The following ZNF487 variants were observed in gnomAD, a reference collection of about 807,000 sequenced individuals.
ZNF487 encodes zinc finger protein 487, also known as KRAB domain only 1.
A neutral mutation model predicts 3.0 loss-of-function variants in ZNF487; 4 were observed. The ratio of observed to expected loss-of-function variants is 1.35; its 90% CI spans 0.66 to 3.08. The LOEUF (loss-of-function observed/expected upper bound fraction) is 3.08, where lower values mean the gene tolerates loss of function less well. ZNF487 is among the 30% of genes most tolerant of loss of function. The probability of loss-of-function intolerance (pLI) is 0.01; values close to 1 mark genes in which losing one functional copy is unlikely to be tolerated. For missense variants in ZNF487, 146 were observed against 98.7 expected (o/e 1.48, Z -2.03); for synonymous variants, 55 against 34.6 (o/e 1.59, Z -2.06).
At position 43,460,332 on chromosome 10, in the gene ZNF487, A is replaced by ATATTTT. The variant is rs750608474; in HGVS notation, c.-93-15387_-93-15382dup. ...AATATATTCCATGACAAATTGTTAG[A>ATATTTT]TATTTTTGTGTCTTTGTTCCTGAAA... On this transcript the variant is annotated intron_variant, in intron 1 of 3. Transcript: ENST00000437590. Among the ~76,000 whole-genome samples, 108 of 147,302 alleles carry ATATTTT rather than the reference A, an allele frequency of 7.3e-4. 1 individual carries two copies. The highest frequency in any genetic ancestry group is 1.2e-3 in the Non-Finnish European group (81 of 66,526).
chr10:43,516,639 C>T, the ZNF487 span, among the ~76,000 whole-genome samples: 21 of 152,228 alleles, frequency 1.4e-4, no homozygotes, highest in South Asian at 1.5e-3. Context: ...GCATCCAGCA[C>T]GGGAGAAAGA....
chr10:43,495,585 T>G, the ZNF487 span, among the ~76,000 whole-genome samples: 1 of 152,140 alleles, frequency 6.6e-6, no homozygotes, highest in African/African-American at 2.4e-5. Context: ...ATGCGTTAAT[T>G]TCTTAAGGTA....
intron 1 of ZNF487, chr10:43,454,459 T>G (rs139143444): frequency 6.6e-6 from 1 of 152,342 alleles, no homozygotes; most frequent in African/African-American, 2.4e-5. Context: ...CTACATCACT[T>G]GTCAGTCTCC....
intron 1 of ZNF487, among the ~76,000 whole-genome samples, chr10:43,448,314 G>A (rs2261637): frequency 0.89 from 135,718 of 151,948 alleles, 60,670 homozygotes; most frequent in East Asian, 1. Context: ...TTGTCCTTAC[G>A]TTTTGTCAAA....
At chr10:43,522,902 T>TC in the ZNF487 span, among the ~76,000 whole-genome samples, 1 of 152,206 alleles carries the variant, frequency 6.6e-6, no homozygotes, top group African/African-American at 2.4e-5. Flanking sequence ...TGATTTTTTT[T>TC]CTGGCAATTT....
rs185758456 is a variant in ZNF487, at chr10:43,464,626, C to T, written c.-93-11095C>T. On this transcript the variant is annotated intron_variant, in intron 1 of 3. Transcript: ENST00000437590. ...CTGTTTAACAAAGCACATCTTGCACCGCCCTTAATCCATTTAACCCTGAGT... is the reference window on the plus strand; with the variant it reads ...CTGTTTAACAAAGCACATCTTGCACTGCCCTTAATCCATTTAACCCTGAGT... Among the ~76,000 whole-genome samples the T allele has an allele frequency of 6.8e-3, 1,038 of 152,224 alleles. 10 individuals are homozygous for T. Among genetic ancestry groups the T allele is most frequent in the African/African-American group, 0.024 (976 of 41,520 alleles).
the ZNF487 span, among the ~76,000 whole-genome samples, chr10:43,493,420 C>T: frequency 4.6e-5 from 7 of 151,840 alleles, no homozygotes; most frequent in African/African-American, 1.2e-4. Flanking sequence ...AACAACCTGG[C>T]GTGATGGCTC....
At chr10:43,514,695 A>G in the ZNF487 span, among the ~76,000 whole-genome samples, 1 of 152,112 alleles carries the variant, frequency 6.6e-6, no homozygotes, top group African/African-American at 2.4e-5. Context: ...CCACCTTGGG[A>G]TCCAATTATT....
intron 1 of ZNF487, among the ~76,000 whole-genome samples, chr10:43,472,981 G>C (rs1190385653): frequency 1.3e-5 from 2 of 149,634 alleles, no homozygotes; most frequent in Non-Finnish European, 3.0e-5. Flanking sequence ...GGGAGGTAGA[G>C]GTTGCAGTGA....
chr10:43,449,462 A>G (rs558364391), intron 1 of ZNF487, among the ~76,000 whole-genome samples: 1 of 152,274 alleles, frequency 6.6e-6, no homozygotes, highest in South Asian at 2.1e-4. Flanking sequence ...ATTTAAAGCT[A>G]ATTTCATAGG....
the ZNF487 span, among the ~76,000 whole-genome samples, chr10:43,493,708 AAAT>A: frequency 1.1e-4 from 5 of 43,960 alleles, no homozygotes; most frequent in South Asian, 5.8e-4. Flanking sequence ...AAAAAAAAAA[AAAT>A]ATATATATAT....
chr10:43,494,670 G>A, the ZNF487 span, among the ~76,000 whole-genome samples: 3 of 151,266 alleles, frequency 2.0e-5, no homozygotes, highest in African/African-American at 4.9e-5. Context: ...ACTTGAGGCT[G>A]GGCGTGAGGC....
intron 1 of ZNF487, among the ~76,000 whole-genome samples, chr10:43,437,999 C>G (rs1187366750): frequency 6.6e-6 from 1 of 151,954 alleles, no homozygotes; most frequent in Admixed American, 6.6e-5. Flanking sequence ...CGAAATATTT[C>G]TTCATTGAGT....
At position 43,475,745 on chromosome 10, in the gene ZNF487, G is replaced by T; in HGVS notation, c.-69G>T. 2.6e-6 allele frequency: 2 copies of T among 780,936 alleles called. No homozygotes were observed. The highest frequency in any genetic ancestry group is 2.3e-4 in the Middle Eastern group (1 of 4,442). The allele number at this position is 780,936 out of a possible 1,614,324, so 48.4% of individuals were successfully genotyped here. Reference sequence around the variant, plus strand: ...GGGATCAGTGTCCTTCAGTGATGTGGCTGTGGGCTTCACCCAGGAGGAGTG... The same window carrying T: ...GGGATCAGTGTCCTTCAGTGATGTGTCTGTGGGCTTCACCCAGGAGGAGTG... On this transcript the variant is annotated 5_prime_UTR_variant, in exon 2 of 4. Transcript: ENST00000437590.
At chr10:43,498,099 A>ATATATATATATATT in the ZNF487 span, among the ~76,000 whole-genome samples, 1 of 20,188 alleles carries the variant, frequency 5.0e-5, no homozygotes, top group African/African-American at 3.2e-4. Flanking sequence ...ATATATATAT[A>ATATATATATATATT]TTTTTTTTTT....
chr10:43,498,097 ATATTTTTTTTTTTTTTCTTTTTTTTTTT>A, the ZNF487 span, among the ~76,000 whole-genome samples: 122 of 10,006 alleles, frequency 0.012, no homozygotes, highest in Non-Finnish European at 0.017. Flanking sequence ...ATATATATAT[ATATTTTTTTTTTTTTTCTTTTTTTTTTT>A]TTTTTTTTTT....
chr10:43,476,075 T>G (rs1307678408), intron 2 of ZNF487, 32 bp from the exon 3 acceptor site: 4 of 714,896 alleles, frequency 5.6e-6, no homozygotes, highest in Non-Finnish European at 1.0e-5. Flanking sequence ...GCAGGCTATC[T>G]GGCCCACGTC....
At chr10:43,498,095 A>ATTTTTTTTTTTTTTTT in the ZNF487 span, among the ~76,000 whole-genome samples, 3 of 12,624 alleles carry the variant, frequency 2.4e-4, no homozygotes, top group Admixed American at 1.3e-3. Context: ...ATATATATAT[A>ATTTTTTTTTTTTTTTT]TATATTTTTT....
At chr10:43,446,629 G>C (rs1839816436) in intron 1 of ZNF487, among the ~76,000 whole-genome samples, 1 of 148,420 alleles carries the variant, frequency 6.7e-6, no homozygotes, top group African/African-American at 2.5e-5. Flanking sequence ...CCACATCCTA[G>C]ACGATGGGCG....
Sources: allele counts gnomAD v4.1 joint callset (sites outside exome capture counted in the v4.1 genomes callset), GRCh38; gene constraint gnomAD v4.1.1; transcripts MANE v1.5; gene names NCBI Gene and HGNC (gene_info 2026-07-23, HGNC 2026-07-21).